The following EIF4E3 variants were observed in gnomAD, a reference collection of about 807,000 sequenced individuals.
EIF4E3 encodes eukaryotic translation initiation factor 4E type 3.
EIF4E3 carries 26 observed loss-of-function variants against 31.7 expected under a neutral mutation model. The ratio of observed to expected loss-of-function variants is 0.82; its 90% CI spans 0.60 to 1.14. The LOEUF (loss-of-function observed/expected upper bound fraction) is 1.14, where lower values mean the gene tolerates loss of function less well. Ranked by LOEUF, EIF4E3 falls within the 50% of genes most tolerant of loss-of-function variation. The pLI, the probability that EIF4E3 is intolerant of heterozygous loss-of-function variation, is 0.00. For missense variants in EIF4E3, 304 were observed against 270.9 expected (o/e 1.12, Z -0.86); for synonymous variants, 128 against 107.7 (o/e 1.19, Z -1.17).
the EIF4E3 span, among the ~76,000 whole-genome samples, chr3:71,670,148 G>A: frequency 1.3e-5 from 2 of 152,284 alleles, no homozygotes; most frequent in Admixed American, 6.5e-5. Flanking sequence ...ACGTCAGGGG[G>A]CTCTGGTAGA....
In EIF4E3 at chr3:71,679,762, A is replaced by G. The variant is rs113417253; in HGVS notation, c.*4920T>C. The G allele has an allele frequency of 6.6e-6, 1 of 152,220 alleles. No homozygotes were observed. The highest frequency in any genetic ancestry group is 1.5e-5 in the Non-Finnish European group (1 of 68,038). The allele number at this position is 152,220 out of a possible 1,614,324, so 9.4% of individuals were successfully genotyped here. On this transcript the variant is annotated 3_prime_UTR_variant, in exon 7 of 7. Coordinates refer to ENST00000425534, the MANE Select transcript of EIF4E3 (RefSeq NM_001134651.2). Reference sequence around the variant, plus strand: ...TTTGCTAAGCTACGTTTTGAAAGTGACAATTAATTTTAGTGGAAATTCATT... The same window carrying G: ...TTTGCTAAGCTACGTTTTGAAAGTGGCAATTAATTTTAGTGGAAATTCATT...
intron 3 of EIF4E3, among the ~76,000 whole-genome samples, chr3:71,697,346 T>A (rs1017702582): frequency 6.6e-6 from 1 of 152,224 alleles, no homozygotes; most frequent in African/African-American, 2.4e-5. Flanking sequence ...GATACATGCA[T>A]ACAAGGCGTA....
chr3:71,732,449 C>G (rs537935920), intron 1 of EIF4E3, among the ~76,000 whole-genome samples: 1 of 152,132 alleles, frequency 6.6e-6, no homozygotes, highest in East Asian at 1.9e-4. Context: ...GTTTTGTGGC[C>G]AGTCTAAGAG....
the EIF4E3 span, among the ~76,000 whole-genome samples, chr3:71,662,646 G>A: frequency 6.6e-6 from 1 of 152,128 alleles, no homozygotes; most frequent in African/African-American, 2.4e-5. Flanking sequence ...TTCCGGTGGT[G>A]CCAGCACATG....
intron 1 of EIF4E3, among the ~76,000 whole-genome samples, chr3:71,716,286 G>A (rs1403824942): frequency 1.3e-5 from 2 of 152,020 alleles, no homozygotes; most frequent in South Asian, 2.1e-4. Context: ...AAGCTGGAGC[G>A]CAGTGGCGCA....
At chr3:71,675,085 T>C (rs1477151094), downstream of EIF4E3, among the ~76,000 whole-genome samples, 1 of 152,212 alleles carries the variant, frequency 6.6e-6, no homozygotes, top group Non-Finnish European at 1.5e-5. Flanking sequence ...CCAAACCTTT[T>C]ACCAGAACAC....
intron 2 of EIF4E3, among the ~76,000 whole-genome samples, chr3:71,707,696 G>C (rs1278171674): frequency 6.6e-6 from 1 of 151,686 alleles, no homozygotes; most frequent in Non-Finnish European, 1.5e-5. Flanking sequence ...TATGTTTATG[G>C]ACTGCATGGA....
At position 71,684,823 on chromosome 3, in the gene EIF4E3, C is replaced by T. The variant is rs1460769539; in HGVS notation, c.629-95G>A. On this transcript the variant is annotated intron_variant, in intron 6 of 6. Coordinates refer to ENST00000425534, the MANE Select transcript of EIF4E3 (RefSeq NM_001134651.2). ...TCCTCTAGGCATCTCATTCAGCTTCCCCAAATGTTGGCAAGAACTCAAACA... is the reference window on the plus strand; with the variant it reads ...TCCTCTAGGCATCTCATTCAGCTTCTCCAAATGTTGGCAAGAACTCAAACA... 37 of 1,330,480 alleles carry T rather than the reference C, an allele frequency of 2.8e-5. No individual in the cohort carries two copies. In the South Asian group the frequency reaches 2.8e-4, roughly 10 times the overall value. 82.4% of individuals were successfully genotyped at this position (1,330,480 alleles called of 1,614,324 possible).
rs1237591727 is a variant in EIF4E3, at chr3:71,679,688, T to A, written c.*4994A>T. On this transcript the variant is annotated 3_prime_UTR_variant, in exon 7 of 7. Coordinates refer to ENST00000425534, the MANE Select transcript of EIF4E3 (RefSeq NM_001134651.2). ...ATCGTTTAGGGAATACTTATTTGATTTTTTTGACATTTCTATGTATTAAAG... is the reference window on the plus strand; with the variant it reads ...ATCGTTTAGGGAATACTTATTTGATATTTTTGACATTTCTATGTATTAAAG... 6.6e-6 allele frequency: 1 copy of A among 152,208 alleles called. No homozygotes were observed. The highest frequency in any genetic ancestry group is 1.9e-4 in the East Asian group (1 of 5,204). 9.4% of individuals were successfully genotyped at this position (152,208 alleles called of 1,614,324 possible).
chr3:71,754,069 C>T (rs767696710), upstream of EIF4E3: 14 of 1,299,678 alleles, frequency 1.1e-5, no homozygotes, highest in East Asian at 3.4e-4. The surrounding 1 kb of genome is among the most constrained non-coding windows in gnomAD (Gnocchi z 5.8). Flanking sequence ...GCGAGCGAGC[C>T]GGGTGGCAGC....
chr3:71,692,412 G>C (rs749222925), intron 5 of EIF4E3, among the ~76,000 whole-genome samples: 14 of 152,238 alleles, frequency 9.2e-5, no homozygotes, highest in Middle Eastern at 6.8e-3. Flanking sequence ...TTACCACTTA[G>C]ACTATTTTTC....
intron 6 of EIF4E3, 81 bp downstream of exon 6, chr3:71,689,927 TCA>T: frequency 7.8e-7 from 1 of 1,280,068 alleles, no homozygotes; most frequent in Non-Finnish European, 1.0e-6. Context: ...AAATCTGCCT[TCA>T]CCACATTTGC....
At chr3:71,715,977 C>T (rs1240500909) in intron 1 of EIF4E3, among the ~76,000 whole-genome samples, 1 of 152,076 alleles carries the variant, frequency 6.6e-6, no homozygotes, top group African/African-American at 2.4e-5. Flanking sequence ...GGCTGACTCC[C>T]AGTAATAACT....
intron 1 of EIF4E3, among the ~76,000 whole-genome samples, chr3:71,719,075 T>C (rs1319572765): frequency 1.3e-5 from 2 of 152,224 alleles, no homozygotes; most frequent in Non-Finnish European, 2.9e-5. Context: ...TTTGTTATTA[T>C]GGAACACACC....
At chr3:71,671,907 T>C (rs1476751596), downstream of EIF4E3, among the ~76,000 whole-genome samples, 2 of 152,078 alleles carry the variant, frequency 1.3e-5, no homozygotes, top group East Asian at 3.9e-4. Context: ...ATATAGACCA[T>C]AGAGCAATCA....
chr3:71,747,746 G>C (rs1158346322), intron 1 of EIF4E3, among the ~76,000 whole-genome samples: 1 of 151,946 alleles, frequency 6.6e-6, no homozygotes, highest in East Asian at 1.9e-4. Context: ...AGTTGTTATA[G>C]TTTTAGCCCT....
intron 2 of EIF4E3, among the ~76,000 whole-genome samples, chr3:71,709,800 A>G (rs1373173905): frequency 2.0e-5 from 3 of 152,222 alleles, no homozygotes; most frequent in African/African-American, 7.2e-5. Flanking sequence ...TATTCCACTA[A>G]GCATGGCATA....
upstream of EIF4E3, chr3:71,754,247 G>A (rs772141872): frequency 2.3e-6 from 3 of 1,284,282 alleles, no homozygotes; most frequent in African/African-American, 1.5e-5. The surrounding 1 kb of genome is among the most constrained non-coding windows in gnomAD (Gnocchi z 5.8). Flanking sequence ...CCGACGGGCT[G>A]CGCGCGCTCG....
At chr3:71,705,630 CAG>C (rs1424786629) in intron 2 of EIF4E3, among the ~76,000 whole-genome samples, 2 of 152,176 alleles carry the variant, frequency 1.3e-5, no homozygotes, top group African/African-American at 4.8e-5. Context: ...ATGTTCGAGA[CAG>C]AGTGCTGTAC....
Sources: allele counts gnomAD v4.1 joint callset (sites outside exome capture counted in the v4.1 genomes callset), GRCh38; gene constraint gnomAD v4.1.1; non-coding constraint Gnocchi (gnomAD v3.1); transcripts MANE v1.5; gene names NCBI Gene and HGNC (gene_info 2026-07-23, HGNC 2026-07-21).